The following CCDC102B variants were observed in gnomAD, a reference collection of about 807,000 sequenced individuals.
The protein encoded by CCDC102B is coiled-coil domain-containing protein 102B.
CCDC102B carries 75 observed loss-of-function variants against 57.4 expected under a neutral mutation model. The ratio of observed to expected loss-of-function variants is 1.31; its 90% CI spans 1.08 to 1.58. CCDC102B has a LOEUF of 1.58. CCDC102B is among the 40% of genes most tolerant of loss of function. CCDC102B has a pLI of 0.00. For synonymous variants in CCDC102B, 206 were observed against 201.9 expected, an observed-to-expected ratio of 1.02 and a Z score of -0.17; for missense variants, 636 against 582.6, an observed-to-expected ratio of 1.09 and a Z score of -0.94.
At chr18:68,727,674 T>C (rs960025576) in intron 2 of CCDC102B, among the ~76,000 whole-genome samples, 1 of 152,166 alleles carries the variant, frequency 6.6e-6, no homozygotes, top group African/African-American at 2.4e-5. Flanking sequence ...ACATGGCAAT[T>C]GGCCTGGTTT....
At chr18:68,856,239 ACT>A (rs1165391159) in intron 4 of CCDC102B, among the ~76,000 whole-genome samples, 22 of 152,032 alleles carry the variant, frequency 1.4e-4, no homozygotes, top group African/African-American at 4.3e-4. Flanking sequence ...TTCTTTTAAA[ACT>A]CTATTTTTTC....
intron 2 of CCDC102B, among the ~76,000 whole-genome samples, chr18:68,782,558 C>T (rs561822743): frequency 2.6e-5 from 4 of 152,132 alleles, no homozygotes; most frequent in Non-Finnish European, 4.4e-5. Flanking sequence ...TCTGCTTTGA[C>T]ATCAGAGTTA....
At chr18:68,724,919 G>T (rs760225871) in intron 2 of CCDC102B, among the ~76,000 whole-genome samples, 1 of 152,124 alleles carries the variant, frequency 6.6e-6, no homozygotes, top group Non-Finnish European at 1.5e-5. Flanking sequence ...CTCTTGCTGC[G>T]ATGAGGAAAT....
Position 68,928,782 on chromosome 18 carries a change from T to G in CCDC102B, c.1263+31354T>G, listed in dbSNP as rs796348331. On this transcript the variant is annotated intron_variant, in intron 6 of 7. Transcript: ENST00000360242. ...TAATTAACTTGAGCCTTTTTAATGCTTTTAAGTAGAGGAAAACTGCTGCTT... is the reference window on the plus strand; with the variant it reads ...TAATTAACTTGAGCCTTTTTAATGCGTTTAAGTAGAGGAAAACTGCTGCTT... Among the ~76,000 whole-genome samples, 3 of 151,964 alleles carry G rather than the reference T, an allele frequency of 2.0e-5. No homozygotes were observed. The South Asian group carries it at 6.2e-4, about 31-fold the overall frequency.
intron 2 of CCDC102B, among the ~76,000 whole-genome samples, chr18:68,784,026 T>A (rs905202071): frequency 6.6e-6 from 1 of 152,238 alleles, no homozygotes; most frequent in South Asian, 2.1e-4. Flanking sequence ...TTCATTTATA[T>A]GAATTTTTTA....
intron 1 of CCDC102B, among the ~76,000 whole-genome samples, chr18:68,806,057 AATTTTTTTATGTGTTTAT>A: frequency 6.7e-6 from 1 of 149,860 alleles, no homozygotes; most frequent in Admixed American, 6.6e-5. Context: ...ACAAGCCCAT[AATTTTTTTATGTGTTTAT>A]CATTTTGCCA....
chr18:68,785,108 G>A (rs770943422), intron 2 of CCDC102B, among the ~76,000 whole-genome samples: 4 of 151,786 alleles, frequency 2.6e-5, no homozygotes, highest in Admixed American at 6.6e-5. Context: ...ATAGTTCACT[G>A]AGAATGATGA....
intron 7 of CCDC102B, among the ~76,000 whole-genome samples, chr18:69,039,493 A>G (rs904429800): frequency 8.6e-5 from 13 of 151,884 alleles, no homozygotes; most frequent in African/African-American, 2.9e-4. Context: ...AATATTTTCT[A>G]TCACTGTTGG....
chr18:68,889,030 G>GT (rs5825880), intron 5 of CCDC102B, among the ~76,000 whole-genome samples: 134,553 of 148,474 alleles, frequency 0.91, 60,987 homozygotes, highest in East Asian at 0.98. Flanking sequence ...GTTTTTCTTT[G>GT]TTTTTTTTTT....
chr18:68,909,908 T>C (rs1420288697), intron 6 of CCDC102B, among the ~76,000 whole-genome samples: 2 of 151,766 alleles, frequency 1.3e-5, no homozygotes, highest in South Asian at 4.1e-4. Context: ...ATTCTAATTT[T>C]AAATAAGACA....
intron 2 of CCDC102B, among the ~76,000 whole-genome samples, chr18:68,769,112 G>C (rs182209193): frequency 1.1e-4 from 17 of 152,134 alleles, no homozygotes; most frequent in African/African-American, 3.9e-4. Context: ...AATTTGCCGG[G>C]CATGGTGGTG....
At chr18:68,875,952 T>C (rs2039427460) in intron 5 of CCDC102B, among the ~76,000 whole-genome samples, 1 of 152,026 alleles carries the variant, frequency 6.6e-6, no homozygotes, top group Non-Finnish European at 1.5e-5. Flanking sequence ...AGATGGCATG[T>C]TTCAAGAGGT....
At chr18:69,011,269 G>T in intron 7 of CCDC102B, 165 bp downstream of exon 7, 1 of 662,458 alleles carries the variant, frequency 1.5e-6, no homozygotes, top group South Asian at 2.5e-5. Context: ...AGATTACACA[G>T]ACAATGTGCA....
rs2050602283 is a variant in CCDC102B, at chr18:68,982,144, T to C, written c.1264-28790T>C. Among the ~76,000 whole-genome samples, 2 of 151,732 alleles carry C rather than the reference T, an allele frequency of 1.3e-5. 1 individual carries two copies. The highest frequency in any genetic ancestry group is 4.1e-4 in the South Asian group (2 of 4,824). On this transcript the variant is annotated intron_variant, in intron 6 of 7. Transcript: ENST00000360242. ...CAAAGTCAATTGTTCTGGAGAAAAATCCATGCAGAATTATCTCTGATTAAA... is the reference window on the plus strand; with the variant it reads ...CAAAGTCAATTGTTCTGGAGAAAAACCCATGCAGAATTATCTCTGATTAAA...
At chr18:68,989,339 A>G (rs954978960) in intron 6 of CCDC102B, among the ~76,000 whole-genome samples, 1 of 152,250 alleles carries the variant, frequency 6.6e-6, no homozygotes, top group Non-Finnish European at 1.5e-5. Flanking sequence ...CAAGTAGAAT[A>G]AAAATTACCT....
At chr18:69,006,853 C>T (rs1568120237) in intron 6 of CCDC102B, among the ~76,000 whole-genome samples, 1 of 152,160 alleles carries the variant, frequency 6.6e-6, no homozygotes, top group African/African-American at 2.4e-5. Context: ...AAAGATAAGT[C>T]CTCCTGATAA....
rs186834358 is a variant in CCDC102B, at chr18:68,800,066, A to G, written c.-16+1885A>G. 3.0e-3 allele frequency among the ~76,000 whole-genome samples: 463 copies of G among 152,196 alleles called. 1 individual carries two copies. Among genetic ancestry groups the G allele is most frequent in the African/African-American group, 0.01 (435 of 41,544 alleles). On this transcript the variant is annotated intron_variant, in intron 1 of 7. Transcript: ENST00000360242. ...TTTCTGCTTGCAAGGTGATTTACAT[A>G]CATATCCACAATTTTGATAGCTTTG... is the stretch of plus-strand genomic sequence containing the variant.
chr18:69,014,079 G>T (rs932199963), intron 7 of CCDC102B, among the ~76,000 whole-genome samples: 7 of 152,140 alleles, frequency 4.6e-5, no homozygotes, highest in Admixed American at 2.6e-4. Context: ...GTAGCTCAAA[G>T]ATAGAGAAAT....
chr18:68,915,023 C>T (rs935275002), intron 6 of CCDC102B, among the ~76,000 whole-genome samples: 6 of 151,132 alleles, frequency 4.0e-5, no homozygotes, highest in East Asian at 3.9e-4. Context: ...GAGAGAGAAA[C>T]GTGAATGAGG....
Sources: gnomAD v4.1 joint callset for allele counts (sites outside exome capture counted in the v4.1 genomes callset) on GRCh38, gnomAD v4.1.1 for gene constraint, MANE v1.5 for transcripts, NCBI Gene and HGNC (gene_info 2026-07-23, HGNC 2026-07-21) for gene names.